SLC26A8: variants seen among roughly 807,000 people sequenced by gnomAD.
SLC26A8 encodes testis anion transporter 1.
In SLC26A8, 70 loss-of-function variants were observed where a neutral mutation model predicts 105.0. The observed-to-expected ratio is 0.67, with a 90% CI of 0.55 to 0.81. The LOEUF is 0.81. SLC26A8 is among the 40% of genes least tolerant of loss of function. SLC26A8 has a pLI of 0.00. For synonymous variants in SLC26A8, 415 were observed against 438.3 expected, an observed-to-expected ratio of 0.95 and a Z score of 0.66; for missense variants, 998 against 1,181.8, an observed-to-expected ratio of 0.84 and a Z score of 2.28.
rs149895292 is a variant in SLC26A8 at position 35,975,127 on chromosome 6, G to A, written c.1287+248C>T. ...AGTGGGGTTTTGTGGGCTAATATAC[G>A]GAAACCTCTCACATATTTCTGTAGA... On this transcript the variant is annotated intron_variant, in intron 10 of 19. Transcript: ENST00000490799. 4.3e-3 allele frequency among the ~76,000 whole-genome samples: 649 copies of A among 151,974 alleles called. 6 individuals carry two copies. The highest frequency in any genetic ancestry group is 0.015 in the African/African-American group (613 of 41,438).
At chr6:36,005,566 T>G (rs983534432) in intron 3 of SLC26A8, among the ~76,000 whole-genome samples, 2 of 152,242 alleles carry the variant, frequency 1.3e-5, no homozygotes, top group Non-Finnish European at 2.9e-5. Flanking sequence ...TATACACTTT[T>G]GGCAAGAATA....
At chr6:35,972,388 T>C (rs1160232078) in intron 10 of SLC26A8, among the ~76,000 whole-genome samples, 1 of 142,394 alleles carries the variant, frequency 7.0e-6, no homozygotes, top group Non-Finnish European at 1.5e-5. Context: ...TGAGACCCTG[T>C]CTCTGAAAAA....
intron 1 of SLC26A8, among the ~76,000 whole-genome samples, chr6:36,021,654 G>A (rs916264810): frequency 3.3e-5 from 5 of 152,134 alleles, no homozygotes; most frequent in African/African-American, 7.2e-5. Context: ...TGTGGGGCCC[G>A]GAATGGCTTA....
At chr6:35,958,919 C>A (rs1581631919) in intron 16 of SLC26A8, among the ~76,000 whole-genome samples, 1 of 152,190 alleles carries the variant, frequency 6.6e-6, no homozygotes, top group East Asian at 1.9e-4. Context: ...GTAAAAATAA[C>A]CTCCAAATGC....
intron 5 of SLC26A8, among the ~76,000 whole-genome samples, chr6:35,994,658 C>G (rs59435961): frequency 0.012 from 1,859 of 151,810 alleles, 44 homozygotes; most frequent in African/African-American, 0.037. Context: ...TCACTGCAAC[C>G]TGTGCCTCCC....
chr6:35,990,029 C>T (rs566131388), intron 7 of SLC26A8: 2 of 141,952 alleles, frequency 1.4e-5, no homozygotes, highest in Admixed American at 7.6e-5. Flanking sequence ...GCTCTGCCTC[C>T]TGGATTCATG....
intron 8 of SLC26A8, among the ~76,000 whole-genome samples, chr6:35,978,961 C>T (rs939119720): frequency 6.6e-6 from 1 of 150,394 alleles, no homozygotes; most frequent in African/African-American, 2.4e-5. Context: ...CCACCTCAGC[C>T]TCCCAAGTAG....
intron 1 of SLC26A8, among the ~76,000 whole-genome samples, chr6:36,021,032 C>T (rs1216741486): frequency 6.6e-6 from 1 of 152,108 alleles, no homozygotes; most frequent in African/African-American, 2.4e-5. Flanking sequence ...ACAACAATAC[C>T]AGTACTACTA....
intron 19 of SLC26A8, among the ~76,000 whole-genome samples, chr6:35,950,096 C>T (rs886553568): frequency 1.3e-5 from 2 of 152,122 alleles, no homozygotes; most frequent in African/African-American, 2.4e-5. Flanking sequence ...CTCGCCCGCC[C>T]GTTGTACGGT....
At chr6:35,985,381 A>G (rs1487577109) in intron 7 of SLC26A8, among the ~76,000 whole-genome samples, 1 of 151,992 alleles carries the variant, frequency 6.6e-6, no homozygotes, top group Non-Finnish European at 1.5e-5. Context: ...GAACATCACT[A>G]TGATCCTTGG....
At chr6:35,995,631 T>C (rs1354809725) in intron 5 of SLC26A8, among the ~76,000 whole-genome samples, 1 of 151,930 alleles carries the variant, frequency 6.6e-6, no homozygotes, top group Non-Finnish European at 1.5e-5. Context: ...ATAAGGACCA[T>C]AGTAGTGTGC....
intron 5 of SLC26A8, among the ~76,000 whole-genome samples, chr6:35,996,825 A>T (rs1237568820): frequency 6.6e-6 from 1 of 152,194 alleles, no homozygotes; most frequent in African/African-American, 2.4e-5. Flanking sequence ...ACCCGAGGTC[A>T]GGAGTTCAAG....
At chr6:36,003,229 T>C (rs988625233) in intron 3 of SLC26A8, among the ~76,000 whole-genome samples, 2 of 152,222 alleles carry the variant, frequency 1.3e-5, no homozygotes, top group Non-Finnish European at 2.9e-5. Flanking sequence ...GAATAGATTT[T>C]TGTGTATGGT....
rs201423909 is a variant in SLC26A8, at chr6:35,965,134, CA to C, written c.1366-2514del. 4.5e-3 allele frequency among the ~76,000 whole-genome samples: 687 copies of C among 152,122 alleles called. 9 individuals carry two copies. Among genetic ancestry groups the C allele is most frequent in the South Asian group, 0.024 (118 of 4,820 alleles). On this transcript the variant is annotated intron_variant, in intron 11 of 19. Transcript: ENST00000490799. ...ATTGTACAGTTAGGTTACAACTATGCAAAGTGATATCCATTTTTAGAAAATA... is the reference window on the plus strand; with the variant it reads ...ATTGTACAGTTAGGTTACAACTATGCAAGTGATATCCATTTTTAGAAAATA...
At chr6:36,012,155 A>C in intron 3 of SLC26A8, 78 bp downstream of exon 3, 1 of 1,531,142 alleles carries the variant, frequency 6.5e-7, no homozygotes, top group African/African-American at 1.4e-5. Context: ...CATGTAGCAC[A>C]AGTAATTGTT....
chr6:35,965,064 A>G (rs939897319), intron 11 of SLC26A8, among the ~76,000 whole-genome samples: 3 of 152,172 alleles, frequency 2.0e-5, no homozygotes, highest in Non-Finnish European at 4.4e-5. Context: ...GTCAAATGTT[A>G]TAGAATGAAG....
chr6:35,964,447 G>C (rs1280301058), intron 11 of SLC26A8, among the ~76,000 whole-genome samples: 1 of 152,086 alleles, frequency 6.6e-6, no homozygotes, highest in African/African-American at 2.4e-5. Context: ...AGGAGTTCCA[G>C]ACAAATTTAG....
In SLC26A8 at chr6:35,997,793, T is replaced by C. The variant is rs759615510; in HGVS notation, c.572A>G (p.Tyr191Cys). 1 of 1,614,150 alleles carries C rather than the reference T, an allele frequency of 6.2e-7. No individual in the cohort carries two copies. Among genetic ancestry groups the C allele is most frequent in the Non-Finnish European group, 8.5e-7 (1 of 1,180,018 alleles). Residue 191 changes from tyrosine to cysteine, a missense_variant, in exon 5 of 20, where the codon TAT (tyrosine) becomes TGT (cysteine). Coordinates refer to ENST00000490799, the MANE Select transcript of SLC26A8 (RefSeq NM_052961.4). The stretch of plus-strand genomic sequence containing the variant: ...TGCCACCACACTCAAGGATTTATTA[T>C]AGCCCATAAGGTAGGAGGGGGCCGA... The part of the protein sequence containing the change: ...EFSAPSYLMG[Y>C]NKSLSVVATT...
intron 2 of SLC26A8, among the ~76,000 whole-genome samples, chr6:36,014,345 A>T (rs770024560): frequency 1.3e-5 from 2 of 152,174 alleles, no homozygotes; most frequent in Admixed American, 6.6e-5. Flanking sequence ...CTAAGGAGGG[A>T]ATTAGAGGAA....
Sources: gnomAD v4.1 joint callset for allele counts (sites outside exome capture counted in the v4.1 genomes callset) on GRCh38, gnomAD v4.1.1 for gene constraint, MANE v1.5 for transcripts, NCBI Gene and HGNC (gene_info 2026-07-23, HGNC 2026-07-21) for gene names.